ETS1: variants seen among roughly 807,000 people sequenced by gnomAD.
ETS1 encodes ETS proto-oncogene 1, transcription factor.
Under a neutral mutation model 58.6 loss-of-function variants are expected in ETS1, and 15 were observed. That is an observed-to-expected ratio of 0.26 (90% confidence interval 0.17 to 0.39). The LOEUF (loss-of-function observed/expected upper bound fraction) is 0.39. ETS1 is among the 10% of genes least tolerant of loss of function. ETS1 has a pLI of 1.00. For missense variants in ETS1, 417 were observed against 610.5 expected, an observed-to-expected ratio of 0.68 and a Z score of 3.34; for synonymous variants, 214 against 218.2, an observed-to-expected ratio of 0.98 and a Z score of 0.17.
chr11:128,517,589 T>C (rs530281200), intron 3 of ETS1, among the ~76,000 whole-genome samples: 1 of 152,330 alleles, frequency 6.6e-6, no homozygotes, highest in South Asian at 2.1e-4. Context: ...CAATGCAAGC[T>C]CATGGAATTC....
chr11:128,582,899 T>C (rs1864903126), intron 1 of ETS1, among the ~76,000 whole-genome samples: 1 of 152,032 alleles, frequency 6.6e-6, no homozygotes, highest in African/African-American at 2.4e-5. Flanking sequence ...GATACAAATA[T>C]AAGGAAGTAG....
intron 6 of ETS1, 30 bp from the exon 7 acceptor site, chr11:128,485,101 A>C: frequency 6.3e-7 from 1 of 1,596,360 alleles, no homozygotes; most frequent in Admixed American, 1.7e-5. Context: ...AAGTAAAGAG[A>C]GGAGAGATTT....
intron 3 of ETS1, among the ~76,000 whole-genome samples, chr11:128,551,943 A>G (rs1373152599): frequency 1.3e-5 from 2 of 152,174 alleles, no homozygotes; most frequent in African/African-American, 4.8e-5. Context: ...TTTGAGCCTT[A>G]GCCTAGAATC....
intron 1 of ETS1, among the ~76,000 whole-genome samples, chr11:128,576,265 G>A (rs1294455535): frequency 6.6e-6 from 1 of 152,168 alleles, no homozygotes; most frequent in African/African-American, 2.4e-5. Context: ...TTTTCCACTT[G>A]TAGATTGTGA....
intron 1 of ETS1, among the ~76,000 whole-genome samples, chr11:128,575,456 G>C (rs548496806): frequency 2.0e-5 from 3 of 152,156 alleles, no homozygotes; most frequent in African/African-American, 7.2e-5. Context: ...TGTAATAGGC[G>C]TCCTTTGTTA....
intron 1 of ETS1, among the ~76,000 whole-genome samples, chr11:128,585,154 AAGAAAGAAAGAAAGAG>A (rs1864986651): frequency 1.2e-4 from 6 of 51,878 alleles, no homozygotes; most frequent in African/African-American, 6.5e-4. Context: ...GAAAGAAAGA[AAGAAAGAAAGAAAGAG>A]AAAGAAAGAA....
rs752260695 is a variant in ETS1 at position 128,490,503 on chromosome 11, A to G, written c.288T>C (p.Thr96=). 5 of 1,613,858 alleles carry G rather than the reference A, an allele frequency of 3.1e-6. No homozygotes were observed. The South Asian group carries it at 5.5e-5, about 18-fold the overall frequency. The change falls in exon 4 of 10, where the codon ACT becomes ACC. Residue 96 remains threonine, a synonymous_variant. Coordinates refer to ENST00000392668, the MANE Select transcript of ETS1 (RefSeq NM_001143820.2). ...KEMMSQALKA[T]FSGFTKEQQR... is the part of the protein sequence containing the mutation. The stretch of plus-strand genomic sequence containing the variant: ...GCTGTTCTTTAGTGAAACCACTGAA[A>G]GTAGCTTTTAATGCTTGAGACATCA...
chr11:128,559,961 T>A (rs1864378438), intron 2 of ETS1, among the ~76,000 whole-genome samples: 1 of 152,208 alleles, frequency 6.6e-6, no homozygotes, highest in African/African-American at 2.4e-5. Flanking sequence ...GTCAACAAGA[T>A]GCAAGCAACA....
At position 128,563,177 on chromosome 11, in the gene ETS1, T is replaced by C. The variant is rs75931504; in HGVS notation, c.70-6742A>G. Among the ~76,000 whole-genome samples the C allele has an allele frequency of 1.1e-3, 173 of 152,236 alleles. 1 individual carries two copies. The highest frequency in any genetic ancestry group is 4.0e-3 in the African/African-American group (167 of 41,540). ...TAAACTCCATAGGAGCAAATCTGTCTTGTCTTTGCTTGACTTCAGAATCCT... is the reference window on the plus strand; with the variant it reads ...TAAACTCCATAGGAGCAAATCTGTCCTGTCTTTGCTTGACTTCAGAATCCT... On this transcript the variant is annotated intron_variant, in intron 2 of 9. Transcript: ENST00000392668.
In ETS1 at chr11:128,566,580, G is replaced by A. The variant is rs11221352; in HGVS notation, c.69+6482C>T. Among the ~76,000 whole-genome samples, 479 of 152,136 alleles carry A rather than the reference G, an allele frequency of 3.1e-3. 1 individual carries two copies. The highest frequency in any genetic ancestry group is 0.017 in the Middle Eastern group (5 of 292). ...GGGCAGATCACGAGGTCAGGAGATC[G>A]AGACCATCCTGGCTAACACAGTGAA... On this transcript the variant is annotated intron_variant, in intron 2 of 9. Coordinates refer to ENST00000392668, the MANE Select transcript of ETS1 (RefSeq NM_001143820.2).
At position 128,461,522 on chromosome 11, in the gene ETS1, G is replaced by A. The variant is rs1861904757; in HGVS notation, c.*839C>T. On this transcript the variant is annotated 3_prime_UTR_variant, in exon 10 of 10. Coordinates refer to ENST00000392668, the MANE Select transcript of ETS1 (RefSeq NM_001143820.2). ...AGGGATGTGCTAATTTTTTTTAATT[G>A]TAGATGACATTCACACACATAATTC... 1 of 152,380 alleles carries A rather than the reference G, an allele frequency of 6.6e-6. No homozygotes were observed. The allele number at this position is 152,380 out of a possible 1,614,324, so 9.4% of individuals were successfully genotyped here. A position where few individuals can be genotyped will look rare whatever the true frequency, so the allele number is the denominator to read the frequency against.
At chr11:128,499,107 C>A (rs1863019029) in intron 3 of ETS1, among the ~76,000 whole-genome samples, 1 of 152,194 alleles carries the variant, frequency 6.6e-6, no homozygotes, top group South Asian at 2.1e-4. Flanking sequence ...CCTGCCTTCA[C>A]TAAAATTCTC....
rs1864672048 is a variant in ETS1, at chr11:128,573,135, C to T, written c.-5G>A. On this transcript the variant is annotated 5_prime_UTR_variant, in exon 2 of 10. Coordinates refer to ENST00000392668, the MANE Select transcript of ETS1 (RefSeq NM_001143820.2). ...AGAATCCACAAAGTAGCTCATTCTG[C>T]TCTCAGCACCTGTGTGAGAGAAGGC... The T allele has an allele frequency of 1.3e-6, 2 of 1,579,344 alleles. No homozygotes were observed. The highest frequency in any genetic ancestry group is 2.3e-5 in the East Asian group (1 of 43,166).
chr11:128,533,682 G>A (rs1485110864), intron 3 of ETS1, among the ~76,000 whole-genome samples: 2 of 152,138 alleles, frequency 1.3e-5, no homozygotes, highest in Non-Finnish European at 2.9e-5. Context: ...CTCCCCCATG[G>A]TTTCCAAGGC....
At chr11:128,552,151 C>G (rs1039632093) in intron 3 of ETS1, among the ~76,000 whole-genome samples, 1 of 151,948 alleles carries the variant, frequency 6.6e-6, no homozygotes, top group African/African-American at 2.4e-5. Context: ...GGTATAGATC[C>G]GGAAACTGGG....
chr11:128,487,397 C>G (rs1397508318), intron 5 of ETS1, among the ~76,000 whole-genome samples: 88 of 152,186 alleles, frequency 5.8e-4, no homozygotes, highest in Admixed American at 5.7e-3. Context: ...TGTGAATCCA[C>G]ATTATTATAC....
intron 3 of ETS1, among the ~76,000 whole-genome samples, chr11:128,493,104 G>C (rs771626477): frequency 1.3e-5 from 2 of 152,164 alleles, no homozygotes; most frequent in Admixed American, 6.5e-5. Flanking sequence ...GAAAACACAG[G>C]CCAGGCCAAA....
At chr11:128,504,252 C>T (rs1863170000) in intron 3 of ETS1, among the ~76,000 whole-genome samples, 1 of 152,224 alleles carries the variant, frequency 6.6e-6, no homozygotes, top group African/African-American at 2.4e-5. Flanking sequence ...ATCTCTTTGG[C>T]TTTGGCCTTT....
chr11:128,572,262 A>G (rs150594422), intron 2 of ETS1: 26 of 151,544 alleles, frequency 1.7e-4, no homozygotes, highest in African/African-American at 5.3e-4. Context: ...GACAGAAAAA[A>G]AAAAAAGAAA....
Sources: allele counts gnomAD v4.1 joint callset (sites outside exome capture counted in the v4.1 genomes callset), GRCh38; gene constraint gnomAD v4.1.1; transcripts MANE v1.5; gene names NCBI Gene and HGNC (gene_info 2026-07-23, HGNC 2026-07-21).